Variants in HACD2 observed in about 807,000 individuals in gnomAD.
The protein encoded by HACD2 is 3-hydroxyacyl-CoA dehydratase 2.
In HACD2, 15 loss-of-function variants were observed where a neutral mutation model predicts 31.0. The observed-to-expected ratio is 0.48, with a 90% CI of 0.32 to 0.75. The LOEUF (loss-of-function observed/expected upper bound fraction) is 0.75. HACD2 is among the 30% of genes least tolerant of loss of function. The pLI is 0.03. For missense variants in HACD2, 283 were observed against 313.0 expected (o/e 0.90, Z 0.72); for synonymous variants, 115 against 122.2 (o/e 0.94, Z 0.39).
chr3:123,566,584 C>T (rs1465751473), intron 3 of HACD2, among the ~76,000 whole-genome samples: 1 of 150,356 alleles, frequency 6.7e-6, no homozygotes, highest in Non-Finnish European at 1.5e-5. Flanking sequence ...ACACCTGGCC[C>T]AAGGTGCAAT....
At chr3:123,560,723 C>T (rs1232044485) in intron 3 of HACD2, among the ~76,000 whole-genome samples, 1 of 152,182 alleles carries the variant, frequency 6.6e-6, no homozygotes, top group Non-Finnish European at 1.5e-5. Context: ...GAAACTTGTT[C>T]TTTGGGGATG....
chr3:123,528,527 T>C (rs1027456304), intron 3 of HACD2, 53 bp from the exon 4 acceptor site: 11 of 1,055,730 alleles, frequency 1.0e-5, no homozygotes, highest in South Asian at 1.3e-5. Flanking sequence ...AGTTTCGATA[T>C]ATAATATATT....
chr3:123,503,071 C>T (rs956580245), intron 4 of HACD2, among the ~76,000 whole-genome samples: 2 of 152,068 alleles, frequency 1.3e-5, no homozygotes, highest in African/African-American at 4.8e-5. Flanking sequence ...TGAGACCAGC[C>T]TGGCCAACAT....
rs113666451 is a variant in HACD2 at position 123,581,119 on chromosome 3, G to A, written c.273+1093C>T. Reference sequence around the variant, plus strand: ...ACAGGCGTGAGCCACCGTGCCCAGCGAGATAAATGATTTTTTCTTAAGTAT... The same window carrying A: ...ACAGGCGTGAGCCACCGTGCCCAGCAAGATAAATGATTTTTTCTTAAGTAT... On this transcript the variant is annotated intron_variant, in intron 2 of 6. Coordinates refer to ENST00000383657, the MANE Select transcript of HACD2 (RefSeq NM_198402.5). Among the ~76,000 whole-genome samples, 1,428 of 152,210 alleles carry A rather than the reference G, an allele frequency of 9.4e-3. 9 individuals carry two copies. The highest frequency in any genetic ancestry group is 0.015 in the Admixed American group (226 of 15,292).
chr3:123,566,747 AT>A (rs1265776693), intron 3 of HACD2, among the ~76,000 whole-genome samples: 19 of 152,064 alleles, frequency 1.2e-4, no homozygotes, highest in African/African-American at 3.9e-4. Context: ...AAATACAAAA[AT>A]TAGCCAGGCA....
At chr3:123,516,757 T>C (rs2056142940) in intron 4 of HACD2, among the ~76,000 whole-genome samples, 1 of 152,250 alleles carries the variant, frequency 6.6e-6, no homozygotes, top group Non-Finnish European at 1.5e-5. Flanking sequence ...ATTCTGCATT[T>C]ATGACAGGCC....
chr3:123,537,118 A>T (rs1576760213), intron 3 of HACD2, among the ~76,000 whole-genome samples: 1 of 152,220 alleles, frequency 6.6e-6, no homozygotes, highest in East Asian at 1.9e-4. Flanking sequence ...ATAATAAATT[A>T]ATAACAATTT....
At chr3:123,495,746 C>T (rs1055130869) in intron 6 of HACD2, among the ~76,000 whole-genome samples, 6 of 152,136 alleles carry the variant, frequency 3.9e-5, no homozygotes, top group Admixed American at 3.3e-4. Context: ...CTATTTGGAA[C>T]TATTTCGATA....
intron 4 of HACD2, among the ~76,000 whole-genome samples, chr3:123,516,152 C>T (rs1279606522): frequency 6.6e-6 from 1 of 151,934 alleles, no homozygotes; most frequent in Non-Finnish European, 1.5e-5. Flanking sequence ...AAACAAAATA[C>T]TATTCCTATT....
Position 123,570,917 on chromosome 3 carries a change from T to TACACAC in HACD2, c.274-3143_274-3138dup, listed in dbSNP as rs149856963. 6.5e-3 allele frequency among the ~76,000 whole-genome samples: 944 copies of TACACAC among 144,834 alleles called. 10 individuals carry two copies. Among genetic ancestry groups the TACACAC allele is most frequent in the African/African-American group, 0.017 (657 of 38,996 alleles). On this transcript the variant is annotated intron_variant, in intron 2 of 6. Transcript: ENST00000383657. ...TTTCACAACCTAGATTTCATACCAT[T>TACACAC]ACACACACACACACACACACACACA... is the stretch of plus-strand genomic sequence containing the variant.
chr3:123,584,968 G>T lies in HACD2; in HGVS notation c.60C>A (p.Ala20=), dbSNP rs1350797990. The T allele has an allele frequency of 1.3e-6, 2 of 1,523,402 alleles. No individual in the cohort carries two copies. Among genetic ancestry groups the T allele is most frequent in the Non-Finnish European group, 1.8e-6 (2 of 1,134,410 alleles). The allele number at this position is 1,523,402 out of a possible 1,614,324, so 94.4% of individuals were successfully genotyped here. A position where few individuals can be genotyped will look rare whatever the true frequency, so the allele number is the denominator to read the frequency against. ...AKGNGGGGGR[A]GAGDASGTRK... is the part of the protein sequence containing the mutation. ...GCGTGCCGCTGGCGTCCCCGGCCCC[G>T]GCCCTGCCACCGCCGCCCCCATTCC... The change falls in exon 1 of 7, where the codon GCC becomes GCA. Residue 20 remains alanine, a synonymous_variant. Transcript: ENST00000383657.
chr3:123,506,239 TGAGCA>T (rs1409705972), intron 4 of HACD2, among the ~76,000 whole-genome samples: 8 of 152,232 alleles, frequency 5.3e-5, no homozygotes, highest in Non-Finnish European at 8.8e-5. Flanking sequence ...TGCTGACTGC[TGAGCA>T]TGTGAAACGT....
chr3:123,495,522 T>G (rs1576722153), intron 6 of HACD2, among the ~76,000 whole-genome samples: 1 of 151,706 alleles, frequency 6.6e-6, no homozygotes, highest in African/African-American at 2.4e-5. Context: ...GGAAGTAGTT[T>G]CGGGTAAAGA....
chr3:123,529,398 G>A (rs1286202804), intron 3 of HACD2, among the ~76,000 whole-genome samples: 1 of 151,960 alleles, frequency 6.6e-6, no homozygotes, highest in African/African-American at 2.4e-5. Flanking sequence ...CACCACACCT[G>A]GCAGTTAGTT....
At chr3:123,541,947 A>C (rs2107720618) in intron 3 of HACD2, among the ~76,000 whole-genome samples, 1 of 152,034 alleles carries the variant, frequency 6.6e-6, no homozygotes, top group Admixed American at 6.5e-5. Context: ...GGAGATCGAG[A>C]CCATCCCGGC....
intron 3 of HACD2, among the ~76,000 whole-genome samples, chr3:123,542,974 T>C (rs2056512027): frequency 6.6e-6 from 1 of 152,230 alleles, no homozygotes; most frequent in African/African-American, 2.4e-5. Context: ...ACCTTCACTG[T>C]CCCTTTGACA....
At chr3:123,558,476 T>C (rs1479759065) in intron 3 of HACD2, among the ~76,000 whole-genome samples, 2 of 152,170 alleles carry the variant, frequency 1.3e-5, no homozygotes, top group African/African-American at 4.8e-5. Context: ...TTGGGGATGT[T>C]GATAATGGGA....
In HACD2 at chr3:123,494,429, T is replaced by A. The variant is rs2055807962; in HGVS notation, c.*459A>T. 2 of 179,696 alleles carry A rather than the reference T, an allele frequency of 1.1e-5. No individual in the cohort carries two copies. Among genetic ancestry groups the A allele is most frequent in the Admixed American group, 1.3e-4 (2 of 15,744 alleles). 11.1% of individuals were successfully genotyped at this position (179,696 alleles called of 1,614,324 possible). On this transcript the variant is annotated 3_prime_UTR_variant, in exon 7 of 7. Coordinates refer to ENST00000383657, the MANE Select transcript of HACD2 (RefSeq NM_198402.5). ...AGTTTGCCGCTTCAAAAATACAAAG[T>A]TTCCAGCATGCAGTCAAGCACTTTG...
intron 2 of HACD2, among the ~76,000 whole-genome samples, chr3:123,572,286 A>G (rs749367554): frequency 2.0e-5 from 3 of 152,202 alleles, no homozygotes; most frequent in Non-Finnish European, 4.4e-5. Context: ...CAGGAGGATC[A>G]CTTGAGGTCA....
Sources: gnomAD v4.1 joint callset for allele counts (sites outside exome capture counted in the v4.1 genomes callset) on GRCh38, gnomAD v4.1.1 for gene constraint, MANE v1.5 for transcripts, NCBI Gene and HGNC (gene_info 2026-07-23, HGNC 2026-07-21) for gene names.